Variants in KNDC1 observed in about 807,000 individuals in gnomAD.
KNDC1 encodes the protein kinase non-catalytic C-lobe domain-containing protein 1.
In KNDC1, 106 loss-of-function variants were observed where a neutral mutation model predicts 172.8. That is an observed-to-expected ratio of 0.61 (90% confidence interval 0.52 to 0.72). KNDC1 has a LOEUF of 0.72. KNDC1 is among the 30% of genes least tolerant of loss of function. The probability of loss-of-function intolerance (pLI) is 0.00; values close to 1 mark genes in which losing one functional copy is unlikely to be tolerated. For synonymous variants in KNDC1, 1,083 were observed against 1,062.2 expected (o/e 1.02, Z -0.38); for missense variants, 2,325 against 2,394.5 (o/e 0.97, Z 0.61).
intron 1 of KNDC1, among the ~76,000 whole-genome samples, chr10:133,165,007 C>A (rs578120224): frequency 6.2e-4 from 95 of 152,274 alleles, no homozygotes; most frequent in African/African-American, 1.6e-3. Context: ...GCTGCAGGTC[C>A]CAGAGGGCAG....
chr10:133,217,358 T>C (rs1203571598), intron 26 of KNDC1, among the ~76,000 whole-genome samples: 20 of 152,240 alleles, frequency 1.3e-4, no homozygotes, highest in Non-Finnish European at 1.5e-5. Context: ...GCAAGAGGGC[T>C]GGGGCCGCAG....
At position 133,199,121 on chromosome 10, in the gene KNDC1, C is replaced by T. The variant is rs768157384; in HGVS notation, c.2613C>T (p.Asp871=). 1.4e-5 allele frequency: 23 copies of T among 1,607,674 alleles called. No homozygotes were observed. The highest frequency in any genetic ancestry group is 1.3e-4 in the African/African-American group (10 of 74,996). The part of the protein sequence containing the change: ...DSVPERPRPA[D]RRLCLPCVDA... ...TCCCAGAGAGGCCGCGGCCCGCAGA[C>T]CGGAGGCTCTGTCTGCCCTGCGTGG... Residue 871 remains aspartate, a synonymous_variant, in exon 14 of 30, where the codon GAC becomes GAT. Coordinates refer to ENST00000304613, the MANE Select transcript of KNDC1 (RefSeq NM_152643.8).
intron 24 of KNDC1, 91 bp from the exon 25 acceptor site, chr10:133,213,554 C>G: frequency 1.8e-6 from 2 of 1,121,468 alleles, no homozygotes; most frequent in South Asian, 2.7e-5. Flanking sequence ...GCTGGCCCCC[C>G]AGAAAACACC....
In KNDC1 at chr10:133,224,882, T is replaced by C. The variant is rs759591940; in HGVS notation, c.5242T>C (p.Phe1748Leu). The change falls in exon 30 of 30, where the codon TTC becomes CTC. Residue 1748 changes from phenylalanine to leucine, a missense_variant. Coordinates refer to ENST00000304613, the MANE Select transcript of KNDC1 (RefSeq NM_152643.8). The surrounding 1 kb of genome is among the most constrained non-coding windows in gnomAD (Gnocchi z 5.4). ...CAAGCTACGGAGGATGAAGGCTACA[T>C]TCCAGTAGCCGAGCTCGGGCCTGGT... is the stretch of plus-strand genomic sequence containing the variant. ...QDKLRRMKAT[F>L]Q 2.5e-6 allele frequency: 4 copies of C among 1,610,486 alleles called. No homozygotes were observed. Among genetic ancestry groups the C allele is most frequent in the Non-Finnish European group, 3.4e-6 (4 of 1,177,150 alleles).
intron 1 of KNDC1, chr10:133,167,080 A>G: frequency 2.2e-6 from 1 of 461,660 alleles, no homozygotes; most frequent in Non-Finnish European, 4.0e-6. Flanking sequence ...TCCACGGAGC[A>G]GGTGACCCAG....
chr10:133,178,864 C>G (rs1853633990), intron 3 of KNDC1: 1 of 152,212 alleles, frequency 6.6e-6, no homozygotes, highest in Non-Finnish European at 1.5e-5. Context: ...ATCCTGCGAG[C>G]CGCCACAGTA....
intron 25 of KNDC1, 34 bp from the exon 26 acceptor site, chr10:133,213,938 C>A: frequency 5.6e-6 from 9 of 1,613,544 alleles, no homozygotes; most frequent in Non-Finnish European, 7.6e-6. Context: ...CTGCACAAGT[C>A]CTGGGGGTGA....
chr10:133,186,020 T>C lies in KNDC1; in HGVS notation c.672T>C (p.Ala224=), dbSNP rs1853899715. The stretch of plus-strand genomic sequence containing the variant: ...GGGAGAGACCTGCCCCAGGAAACGC[T>C]GGGCCCAGGAGGCCGCCCGGGGACC... ...SWRERPAPGN[A]GPRRPPGDPS... The change falls in exon 6 of 30, where the codon GCT becomes GCC. Residue 224 remains alanine, a synonymous_variant. Transcript: ENST00000304613. 7.7e-6 allele frequency: 12 copies of C among 1,566,344 alleles called. No individual in the cohort carries two copies. The highest frequency in any genetic ancestry group is 1.0e-5 in the Non-Finnish European group (12 of 1,156,424).
At chr10:133,212,981 C>T in intron 24 of KNDC1, 59 bp downstream of exon 24, 1 of 1,465,266 alleles carries the variant, frequency 6.8e-7, no homozygotes, top group Non-Finnish European at 9.3e-7. Context: ...CAGAAACACT[C>T]CGCGCCCATA....
chr10:133,222,446 C>CATGCTCTTCCCA (rs1845618476), intron 29 of KNDC1, among the ~76,000 whole-genome samples: 1 of 43,186 alleles, frequency 2.3e-5, no homozygotes, highest in Admixed American at 2.6e-4. Flanking sequence ...CTCTTCCCGG[C>CATGCTCTTCCCA]GTGTGTGTGT....
intron 23 of KNDC1, 124 bp from the exon 24 acceptor site, chr10:133,212,592 G>A (rs1845390870): frequency 1.3e-6 from 1 of 752,998 alleles, no homozygotes; most frequent in African/African-American, 1.8e-5. Flanking sequence ...CTCTGGCTGG[G>A]CCAGTCTGAG....
At chr10:133,222,682 T>C (rs1442626393) in intron 29 of KNDC1, among the ~76,000 whole-genome samples, 7 of 18,952 alleles carry the variant, frequency 3.7e-4, no homozygotes, top group African/African-American at 7.9e-4. Flanking sequence ...TGTGTGTGTG[T>C]GTGAGAGCCC....
At chr10:133,171,951 C>T (rs968122089) in intron 3 of KNDC1, among the ~76,000 whole-genome samples, 8 of 152,174 alleles carry the variant, frequency 5.3e-5, no homozygotes, top group African/African-American at 1.9e-4. Context: ...TATATCCAGC[C>T]ATCTTGCTAA....
At chr10:133,197,233 C>T (rs916527438) in intron 11 of KNDC1, 98 bp downstream of exon 11, 3 of 922,414 alleles carry the variant, frequency 3.3e-6, no homozygotes, top group African/African-American at 3.3e-5. Context: ...GGCAGCCCCA[C>T]ACCCCGGTCT....
Position 133,186,620 on chromosome 10 carries a change from CGAT to C in KNDC1, c.1275_1277del (p.Asp425del). 1 of 1,596,698 alleles carries C rather than the reference CGAT, an allele frequency of 6.3e-7. No individual in the cohort carries two copies. Among genetic ancestry groups the C allele is most frequent in the Non-Finnish European group, 8.5e-7 (1 of 1,178,864 alleles). ...GCGGTGAAGCCCAGACTCCCAGGGA[CGAT>C]GAGAGAATTCCAGAAGGAGCTAGGC... On this transcript the variant is annotated inframe_deletion, in exon 6 of 30. Coordinates refer to ENST00000304613, the MANE Select transcript of KNDC1 (RefSeq NM_152643.8).
intron 17 of KNDC1, chr10:133,202,158 A>C: frequency 1.4e-6 from 1 of 692,460 alleles, no homozygotes. Context: ...CTTTTCTCTC[A>C]TGGTCGCCCG....
At chr10:133,193,446 A>C (rs1321464833) in intron 9 of KNDC1, among the ~76,000 whole-genome samples, 2 of 152,186 alleles carry the variant, frequency 1.3e-5, no homozygotes. Context: ...AATCACTGGA[A>C]TCTGGGAGGT....
At position 133,186,324 on chromosome 10, in the gene KNDC1, C is replaced by T. The variant is rs758391585; in HGVS notation, c.976C>T (p.Arg326Cys). ...PEATLCLPLT[R>C]GKSQLPISEL... is the part of the protein sequence containing the mutation. ...GGCCACCCTCTGCCTGCCGCTGACC[C>T]GCGGGAAAAGCCAGCTGCCCATATC... The change falls in exon 6 of 30, where the codon CGC becomes TGC. Residue 326 changes from arginine to cysteine, a missense_variant. Transcript: ENST00000304613. 3.7e-6 allele frequency: 6 copies of T among 1,612,488 alleles called. No homozygotes were observed. The highest frequency in any genetic ancestry group is 1.1e-5 in the South Asian group (1 of 91,064).
At chr10:133,213,911 A>G (rs1589773157) in intron 25 of KNDC1, 61 bp from the exon 26 acceptor site, 1 of 1,598,720 alleles carries the variant, frequency 6.3e-7, no homozygotes, top group Non-Finnish European at 8.6e-7. Flanking sequence ...CAGCAGCCCC[A>G]GGGCCGGGCA....
Sources: allele counts gnomAD v4.1 joint callset (sites outside exome capture counted in the v4.1 genomes callset), GRCh38; gene constraint gnomAD v4.1.1; non-coding constraint Gnocchi (gnomAD v3.1); transcripts MANE v1.5; gene names NCBI Gene and HGNC (gene_info 2026-07-23, HGNC 2026-07-21).